The following BRD4 variants were observed in gnomAD, a reference collection of about 807,000 sequenced individuals.
The protein encoded by BRD4 is bromodomain-containing protein 4.
Under a neutral mutation model 142.1 loss-of-function variants are expected in BRD4, and 16 were observed. The ratio of observed to expected loss-of-function variants is 0.11; its 90% CI spans 0.08 to 0.17. The LOEUF is 0.17. BRD4 is among the 10% of genes least tolerant of loss of function. BRD4 has a pLI of 1.00. For synonymous variants in BRD4, 833 were observed against 707.5 expected (o/e 1.18, Z -2.82); for missense variants, 1,424 against 1,810.9 (o/e 0.79, Z 3.88).
intron 7 of BRD4, among the ~76,000 whole-genome samples, chr19:15,260,043 T>C (rs1485349747): frequency 6.6e-6 from 1 of 152,190 alleles, no homozygotes; most frequent in Admixed American, 6.5e-5. Context: ...TGACAGTCTC[T>C]TGAGACCCAG....
At chr19:15,298,285 A>G (rs1017419093) in intron 1 of BRD4, among the ~76,000 whole-genome samples, 1 of 152,256 alleles carries the variant, frequency 6.6e-6, no homozygotes, top group Non-Finnish European at 1.5e-5. Context: ...ACAGGACTGT[A>G]GTTAACTCAA....
At chr19:15,288,020 G>A (rs946671515) in intron 1 of BRD4, among the ~76,000 whole-genome samples, 2 of 151,524 alleles carry the variant, frequency 1.3e-5, no homozygotes, top group African/African-American at 4.9e-5. Flanking sequence ...TGCCCACCTC[G>A]GCCTCCCAAA....
At position 15,244,727 on chromosome 19, in the gene BRD4, C is replaced by T. The variant is rs1470260528; in HGVS notation, c.2194G>A (p.Gly732Arg). ...APKSKKKGHP[G>R]REQKKHHHHH... ...CCATGTACCTTCTTCTGCTCCCTCC[C>T]GGGGTGCCCCTTCTTTTTTGACTTC... Residue 732 changes from glycine (G) to arginine (R), a missense_variant, in exon 12 of 20, where the codon GGG becomes AGG. Around this residue, in one of 16 missense-constraint regions of BRD4, gnomAD observed 598 missense variants for 647.8 expected, o/e 0.92. Coordinates refer to ENST00000679869, the MANE Select transcript of BRD4 (RefSeq NM_001379291.1). The T allele has an allele frequency of 1.5e-5, 25 of 1,614,128 alleles. No individual in the cohort carries two copies. Among genetic ancestry groups the T allele is most frequent in the East Asian group, 8.9e-5 (4 of 44,886 alleles).
At chr19:15,259,857 T>C (rs1599457151) in intron 7 of BRD4, among the ~76,000 whole-genome samples, 1 of 152,208 alleles carries the variant, frequency 6.6e-6, no homozygotes, top group Non-Finnish European at 1.5e-5. Context: ...GGAAGTGTGC[T>C]GAGACCTAAG....
chr19:15,240,825 G>A lies in BRD4; in HGVS notation c.3170-803C>T, dbSNP rs151310736. Among the ~76,000 whole-genome samples, 156 of 152,298 alleles carry A rather than the reference G, an allele frequency of 1.0e-3. 3 individuals are homozygous for A. The East Asian group carries it at 0.021, about 20-fold the overall frequency. ...ATCCCTGCAGGCAAGGGGCCTCACCGCTCTTTGGCTAGCTGCAGCTCGGGA... is the reference window on the plus strand; with the variant it reads ...ATCCCTGCAGGCAAGGGGCCTCACCACTCTTTGGCTAGCTGCAGCTCGGGA... On this transcript the variant is annotated intron_variant, in intron 14 of 19. Transcript: ENST00000679869.
intron 4 of BRD4, among the ~76,000 whole-genome samples, chr19:15,266,090 C>T (rs2047531665): frequency 6.6e-6 from 1 of 152,252 alleles, no homozygotes; most frequent in Non-Finnish European, 1.5e-5. Context: ...TGGCAGGCCC[C>T]CACCTCCTGG....
At chr19:15,278,059 T>C (rs372144462) in intron 1 of BRD4, among the ~76,000 whole-genome samples, 1 of 114,590 alleles carries the variant, frequency 8.7e-6, no homozygotes, top group African/African-American at 3.4e-5. Context: ...TGAGCCAAGA[T>C]AGCACAACTG....
rs2145595544 is a variant in BRD4 at position 15,263,477 on chromosome 19, G to A, written c.1284C>T (p.Asn428=). Reference sequence around the variant, plus strand: ...GGTCAGGAGGGTTGTACTTATAGCAGTTGGAGAACATCAATCGGACGTCAG... The same window carrying A: ...GGTCAGGAGGGTTGTACTTATAGCAATTGGAGAACATCAATCGGACGTCAG... The part of the protein sequence containing the change: ...FGADVRLMFS[N]CYKYNPPDHE... Residue 428 remains asparagine, a synonymous_variant, in exon 7 of 20, where the codon AAC becomes AAT. Transcript: ENST00000679869. 2 of 1,614,236 alleles carry A rather than the reference G, an allele frequency of 1.2e-6. No homozygotes were observed. Among genetic ancestry groups the A allele is most frequent in the Non-Finnish European group, 1.7e-6 (2 of 1,180,048 alleles).
chr19:15,312,165 AG>A (rs1255510984), intron 1 of BRD4, among the ~76,000 whole-genome samples: 1 of 152,244 alleles, frequency 6.6e-6, no homozygotes, highest in Non-Finnish European at 1.5e-5. Context: ...TGCCACACAA[AG>A]CAAGTGTTCA....
chr19:15,309,775 T>TA (rs1437586071), intron 1 of BRD4, among the ~76,000 whole-genome samples: 1 of 151,896 alleles, frequency 6.6e-6, no homozygotes, highest in East Asian at 1.9e-4. Flanking sequence ...GCAAACCGGG[T>TA]AGTGTGGCAA....
intron 1 of BRD4, among the ~76,000 whole-genome samples, chr19:15,314,263 T>C (rs2047998211): frequency 6.6e-6 from 1 of 152,186 alleles, no homozygotes. Context: ...AAATGAAAGA[T>C]GTCAGACAAA....
In BRD4 at chr19:15,238,955, C is replaced by T. The variant is rs747504735; in HGVS notation, c.3808G>A (p.Glu1270Lys). 1 of 1,594,696 alleles carries T rather than the reference C, an allele frequency of 6.3e-7. No individual in the cohort carries two copies. The highest frequency in any genetic ancestry group is 1.1e-5 in the South Asian group (1 of 89,766). The change falls in exon 19 of 20, where the codon GAG (glutamate) becomes AAG (lysine). Residue 1270 changes from glutamate to lysine, a missense_variant. This residue lies in a region of BRD4 where 109 missense variants were observed against 117.9 expected (regional missense o/e 0.92). Transcript: ENST00000679869. The surrounding 1 kb of genome is among the most constrained non-coding windows in gnomAD (Gnocchi z 7.2). ...TCCTCATGGGCCCGCCGGGCCTGCT[C>T]CAGCGCATCCTCGTCCTCTCGGCTC... ...MRSREDEDAL[E>K]QARRAHEEAR...
At chr19:15,274,840 G>A (rs1398405536) in intron 1 of BRD4, among the ~76,000 whole-genome samples, 1 of 151,914 alleles carries the variant, frequency 6.6e-6, no homozygotes, top group Non-Finnish European at 1.5e-5. Flanking sequence ...GGCCTAGATA[G>A]GCCCTTGAGC....
chr19:15,239,798 G>A lies in BRD4; in HGVS notation c.3306C>T (p.Val1102=), dbSNP rs1308361640. 1 of 1,613,356 alleles carries A rather than the reference G, an allele frequency of 6.2e-7. No homozygotes were observed. Among genetic ancestry groups the A allele is most frequent in the African/African-American group, 1.3e-5 (1 of 75,034 alleles). The stretch of plus-strand genomic sequence containing the variant: ...TCACCACCACGAGGGGCTGGGGCTG[G>A]ACCACGGAGGCAGCACGCAGCTCCT... ...KKQELRAASV[V]QPQPLVVVKE... is the part of the protein sequence containing the mutation. The change falls in exon 16 of 20, where the codon GTC becomes GTT. Residue 1102 remains valine, a synonymous_variant. Coordinates refer to ENST00000679869, the MANE Select transcript of BRD4 (RefSeq NM_001379291.1). This position sits in a 1 kb window ranked among gnomAD's most constrained non-coding sequence, Gnocchi z 7.4.
chr19:15,255,695 A>C, intron 9 of BRD4, 103 bp from the exon 10 acceptor site: 2 of 1,371,698 alleles, frequency 1.5e-6, no homozygotes, highest in South Asian at 1.4e-5. Flanking sequence ...CCCTTCCCAT[A>C]CCCCCCACCC....
chr19:15,300,761 C>A (rs1048702601), intron 1 of BRD4, among the ~76,000 whole-genome samples: 10 of 152,152 alleles, frequency 6.6e-5, no homozygotes, highest in African/African-American at 2.4e-4. Context: ...CTGCTTCCCA[C>A]CCCTAAAACC....
chr19:15,276,657 C>CCA (rs2047650081), intron 1 of BRD4, among the ~76,000 whole-genome samples: 1 of 152,138 alleles, frequency 6.6e-6, no homozygotes, highest in Non-Finnish European at 1.5e-5. Context: ...GTGACCATAC[C>CCA]CACATTGTCA....
At chr19:15,309,209 T>C (rs552346986) in intron 1 of BRD4, among the ~76,000 whole-genome samples, 2 of 151,420 alleles carry the variant, frequency 1.3e-5, no homozygotes, top group South Asian at 2.1e-4. Flanking sequence ...GGTGGGCGCC[T>C]GTAATCCCAG....
In BRD4 at chr19:15,253,760, CGAAGTCTCCACTG is replaced by C. The variant is rs768828352; in HGVS notation, c.2158+379_2158+391del. ...TGATACGGGGAAGGCCCTGGGGACA[CGAAGTCTCCACTG>C]GTGCAGAAAGCTGGGTGTGGTCACA... On this transcript the variant is annotated intron_variant, in intron 11 of 19. Transcript: ENST00000679869. 5.0e-6 allele frequency: 8 copies of C among 1,598,094 alleles called. No homozygotes were observed. In the African/African-American group the frequency reaches 1.1e-4, roughly 21 times the overall value.
Sources: allele counts gnomAD v4.1 joint callset (sites outside exome capture counted in the v4.1 genomes callset), GRCh38; gene constraint gnomAD v4.1.1; regional missense constraint gnomAD v4.1.1; non-coding constraint Gnocchi (gnomAD v3.1); transcripts MANE v1.5; gene names NCBI Gene and HGNC (gene_info 2026-07-23, HGNC 2026-07-21).